RAB27B: variants seen among roughly 807,000 people sequenced by gnomAD.
The protein encoded by RAB27B is RAB27B, member RAS oncogene family.
A neutral mutation model predicts 24.6 loss-of-function variants in RAB27B; 15 were observed. The observed-to-expected ratio is 0.61, with a 90% CI of 0.41 to 0.94. The LOEUF (loss-of-function observed/expected upper bound fraction) is 0.94, where lower values mean the gene tolerates loss of function less well. Ranked by LOEUF, RAB27B falls within the 40% of genes least tolerant of loss-of-function variation. The probability of loss-of-function intolerance (pLI) is 0.00; values close to 1 mark genes in which losing one functional copy is unlikely to be tolerated. For synonymous variants in RAB27B, 105 were observed against 92.5 expected, an observed-to-expected ratio of 1.14 and a Z score of -0.78; for missense variants, 261 against 266.8, an observed-to-expected ratio of 0.98 and a Z score of 0.15.
At chr18:54,798,395 A>T (rs1385541311) in intron 2 of RAB27B, among the ~76,000 whole-genome samples, 3 of 152,244 alleles carry the variant, frequency 2.0e-5, no homozygotes, top group African/African-American at 7.2e-5. Flanking sequence ...TGATGACAAA[A>T]CAGAAGCATG....
intron 1 of RAB27B, among the ~76,000 whole-genome samples, chr18:54,863,912 G>A (rs1176463917): frequency 2.0e-5 from 3 of 152,192 alleles, no homozygotes; most frequent in Non-Finnish European, 4.4e-5. Context: ...TACACATTCA[G>A]TGGATGGACA....
chr18:54,890,999 T>C lies in RAB27B; in HGVS notation c.*1586T>C, dbSNP rs569534390. ...ACAATATATTTTCGTTTTTTTTTAT[T>C]ATGAGCATATGATTTTTTGACAGGC... On this transcript the variant is annotated 3_prime_UTR_variant, in exon 6 of 6. Coordinates refer to ENST00000262094, the MANE Select transcript of RAB27B (RefSeq NM_004163.4). The C allele has an allele frequency of 6.6e-6, 1 of 152,106 alleles. No homozygotes were observed. Among genetic ancestry groups the C allele is most frequent in the South Asian group, 2.1e-4 (1 of 4,828 alleles). 9.4% of individuals were successfully genotyped at this position (152,106 alleles called of 1,614,324 possible).
At chr18:54,729,432 C>T (rs1909661308) in intron 2 of RAB27B, among the ~76,000 whole-genome samples, 1 of 152,082 alleles carries the variant, frequency 6.6e-6, no homozygotes, top group South Asian at 2.1e-4. Flanking sequence ...AGCCTACATC[C>T]TCAATATATT....
At chr18:54,796,371 C>T (rs1043042301) in intron 2 of RAB27B, among the ~76,000 whole-genome samples, 3 of 152,210 alleles carry the variant, frequency 2.0e-5, no homozygotes, top group Admixed American at 2.0e-4. Context: ...GGGCAGAGGA[C>T]CAGTATGACA....
At chr18:54,737,656 T>C (rs889174977) in intron 2 of RAB27B, among the ~76,000 whole-genome samples, 3 of 152,154 alleles carry the variant, frequency 2.0e-5, no homozygotes, top group African/African-American at 7.2e-5. Flanking sequence ...AGATGCTCAA[T>C]ACATGTTTAT....
intron 2 of RAB27B, among the ~76,000 whole-genome samples, chr18:54,728,924 C>A (rs61710101): frequency 0.17 from 5,536 of 32,356 alleles, 230 homozygotes; most frequent in Admixed American, 0.19. Context: ...AAAAAAAAAA[C>A]CACCACCAAA....
intron 2 of RAB27B, among the ~76,000 whole-genome samples, chr18:54,796,517 T>C (rs912801843): frequency 1.3e-5 from 2 of 151,900 alleles, no homozygotes; most frequent in Admixed American, 6.6e-5. Context: ...GAAGGGGAGA[T>C]GGAATGGGAA....
chr18:54,823,632 C>T (rs1598932349), upstream of RAB27B, among the ~76,000 whole-genome samples: 1 of 152,168 alleles, frequency 6.6e-6, no homozygotes, highest in Non-Finnish European at 1.5e-5. Context: ...GTGTACCAGG[C>T]ACAAGTTGCT....
intron 4 of RAB27B, 56 bp downstream of exon 4, chr18:54,884,492 G>C: frequency 8.7e-7 from 1 of 1,152,058 alleles, no homozygotes; most frequent in South Asian, 1.3e-5. Context: ...TGCCTTAGGT[G>C]CTTGTTGGTC....
chr18:54,855,020 A>G (rs1325341273), intron 1 of RAB27B, among the ~76,000 whole-genome samples: 1 of 152,196 alleles, frequency 6.6e-6, no homozygotes, highest in Non-Finnish European at 1.5e-5. Flanking sequence ...ACAACTCACT[A>G]TAATGTAGAA....
chr18:54,822,846 A>G (rs1468467293), intron 2 of RAB27B, among the ~76,000 whole-genome samples: 1 of 152,226 alleles, frequency 6.6e-6, no homozygotes, highest in Admixed American at 6.5e-5. Flanking sequence ...AAGTTAGGAC[A>G]TTCATCAAGG....
intron 2 of RAB27B, among the ~76,000 whole-genome samples, chr18:54,742,928 AG>A (rs1231872385): frequency 6.6e-6 from 1 of 152,208 alleles, no homozygotes; most frequent in African/African-American, 2.4e-5. Flanking sequence ...AGCTTTTGGC[AG>A]GATGACCAGA....
At chr18:54,755,842 C>T (rs1438219886) in intron 2 of RAB27B, among the ~76,000 whole-genome samples, 2 of 152,126 alleles carry the variant, frequency 1.3e-5, no homozygotes, top group African/African-American at 4.8e-5. Context: ...TATCAGTGGG[C>T]AATGATCTTA....
intron 2 of RAB27B, among the ~76,000 whole-genome samples, chr18:54,757,022 G>A (rs1908026895): frequency 6.6e-6 from 1 of 152,162 alleles, no homozygotes; most frequent in Non-Finnish European, 1.5e-5. Flanking sequence ...TAGAGGTCTG[G>A]ATAGAGCCAG....
intron 4 of RAB27B, among the ~76,000 whole-genome samples, chr18:54,887,041 C>CCCTCCCTT (rs1249787572): frequency 4.0e-5 from 5 of 124,490 alleles, no homozygotes; most frequent in African/African-American, 1.6e-4. Context: ...CTCCCTCCCT[C>CCCTCCCTT]CCTTCCTTAC....
intron 2 of RAB27B, among the ~76,000 whole-genome samples, chr18:54,800,189 CTG>C (rs1909556254): frequency 6.6e-6 from 1 of 152,202 alleles, no homozygotes; most frequent in Admixed American, 6.5e-5. Flanking sequence ...AACCACCACA[CTG>C]TGTGGTTGTT....
chr18:54,720,017 G>T (rs1909309618), intron 2 of RAB27B, among the ~76,000 whole-genome samples: 1 of 151,992 alleles, frequency 6.6e-6, no homozygotes, highest in Non-Finnish European at 1.5e-5. Context: ...TTTTTATTCA[G>T]AATTTGACAG....
rs1913460030 is a variant in RAB27B at position 54,893,708 on chromosome 18, TAGAG to T, written c.*4297_*4300del. ...CTGATACAAATTTTGGTTGGATATA[TAGAG>T]AATTTTATAAATGTATTGCCTTAGA... On this transcript the variant is annotated 3_prime_UTR_variant, in exon 6 of 6. Transcript: ENST00000262094. 6.6e-6 allele frequency: 1 copy of T among 151,978 alleles called. No homozygotes were observed. The highest frequency in any genetic ancestry group is 2.4e-5 in the African/African-American group (1 of 41,422). 9.4% of individuals were successfully genotyped at this position (151,978 alleles called of 1,614,324 possible).
At chr18:54,824,874 T>C (rs73956972), upstream of RAB27B, among the ~76,000 whole-genome samples, 31,175 of 152,012 alleles carry the variant, frequency 0.21, 3,680 homozygotes, top group African/African-American at 0.32. Flanking sequence ...TGTTCACCTC[T>C]CTTTAGGCCT....
Sources: allele counts gnomAD v4.1 joint callset (sites outside exome capture counted in the v4.1 genomes callset), GRCh38; gene constraint gnomAD v4.1.1; transcripts MANE v1.5; gene names NCBI Gene and HGNC (gene_info 2026-07-23, HGNC 2026-07-21).